Variants in CHADL observed in about 807,000 individuals in gnomAD.
CHADL encodes the protein chondroadherin like, also known as chondroadherin-like protein.
Under a neutral mutation model 52.1 loss-of-function variants are expected in CHADL, and 48 were observed. The observed-to-expected ratio is 0.92, with a 90% CI of 0.73 to 1.17. The LOEUF (loss-of-function observed/expected upper bound fraction) is 1.17, where lower values mean the gene tolerates loss of function less well. Among genes scored for constraint, CHADL ranks in the 50% most tolerant of loss-of-function variants. The pLI is 0.00. For missense variants in CHADL, 977 were observed against 1,035.1 expected (o/e 0.94, Z 0.77); for synonymous variants, 498 against 511.2 (o/e 0.97, Z 0.35).
In CHADL at chr22:41,238,838, G is replaced by A; in HGVS notation, c.234C>T (p.Pro78=). The A allele has an allele frequency of 6.5e-7, 1 of 1,546,916 alleles. No individual in the cohort carries two copies. The highest frequency in any genetic ancestry group is 8.7e-7 in the Non-Finnish European group (1 of 1,144,550). ...GAGGCACGCCCTGGAAGGCGGCTGC[G>A]GGGATCACCTTCAGCAAATTGCCCT... ...DLQGNLLKVI[P]AAAFQGVPHL... Residue 78 remains proline, a synonymous_variant, in exon 3 of 6, where the codon CCC becomes CCT. Transcript: ENST00000216241. This position sits in a 1 kb window ranked among gnomAD's most constrained non-coding sequence, Gnocchi z 4.9.
chr22:41,233,923 C>A (rs1569157924), intron 5 of CHADL, among the ~76,000 whole-genome samples: 1 of 152,220 alleles, frequency 6.6e-6, no homozygotes, highest in Non-Finnish European at 1.5e-5. Context: ...CGTGGCCTTA[C>A]AGGCAGTGGT....
intron 5 of CHADL, among the ~76,000 whole-genome samples, chr22:41,232,501 C>T (rs1393055167): frequency 6.6e-6 from 1 of 152,098 alleles, no homozygotes; most frequent in African/African-American, 2.4e-5. Flanking sequence ...AGACGTCCAT[C>T]CTGGTGCCTT....
chr22:41,237,670 C>A lies in CHADL; in HGVS notation c.1402G>T (p.Ala468Ser), dbSNP rs1342495282. The change falls in exon 3 of 6, where the codon GCC (alanine) becomes TCC (serine). Residue 468 changes from alanine to serine, a missense_variant. Coordinates refer to ENST00000216241, the MANE Select transcript of CHADL (RefSeq NM_138481.2). ...ATCAGGCGGCCCAGCCCGGCCAGGGCGCCCGCTTCCAGCTCCGCGATGCCG... is the reference window on the plus strand; with the variant it reads ...ATCAGGCGGCCCAGCCCGGCCAGGGAGCCCGCTTCCAGCTCCGCGATGCCG... Reference protein sequence around the residue: ...HCGIAELEAGALAGLGRLIYL... With the variant: ...HCGIAELEAGSLAGLGRLIYL... The A allele has an allele frequency of 1.9e-6, 3 of 1,542,558 alleles. No homozygotes were observed. Among genetic ancestry groups the A allele is most frequent in the East Asian group, 2.5e-5 (1 of 40,750 alleles).
rs1012172546 is a variant in CHADL at position 41,237,900 on chromosome 22, C to A, written c.1172G>T (p.Arg391Leu). 7.4e-7 allele frequency: 1 copy of A among 1,344,764 alleles called. No homozygotes were observed. 83.3% of individuals were successfully genotyped at this position (1,344,764 alleles called of 1,614,324 possible). A position where few individuals can be genotyped will look rare whatever the true frequency, so the allele number is the denominator to read the frequency against. The change falls in exon 3 of 6, where the codon CGG (arginine) becomes CTG (leucine). Residue 391 changes from arginine to leucine, a missense_variant. Arg to Leu is a moderately radical substitution (Grantham distance 102, BLOSUM62 -2). Transcript: ENST00000216241. The part of the protein sequence containing the change: ...RGPPRGPGEE[R>L]AVAPCPRACV... The stretch of plus-strand genomic sequence containing the variant: ...GGCGCGAGGGCAAGGCGCGACTGCC[C>A]GCTCCTCCCCGGGGCCGCGCGGAGG...
In CHADL at chr22:41,235,427, G is replaced by A. The variant is rs746391633; in HGVS notation, c.2064-84C>T. The A allele has an allele frequency of 2.7e-6, 3 of 1,128,846 alleles. No individual in the cohort carries two copies. In the East Asian group the frequency reaches 7.7e-5, roughly 29 times the overall value. The allele number at this position is 1,128,846 out of a possible 1,614,324, so 69.9% of individuals were successfully genotyped here. A position where few individuals can be genotyped will look rare whatever the true frequency, so the allele number is the denominator to read the frequency against. ...GCAGGTGGGCACTGGGTGTGGGGCA[G>A]GGTTGGTGCAGAAGGCAGCACAAGG... On this transcript the variant is annotated intron_variant, in intron 4 of 5. Coordinates refer to ENST00000216241, the MANE Select transcript of CHADL (RefSeq NM_138481.2).
chr22:41,238,372 G>A lies in CHADL; in HGVS notation c.700C>T (p.Arg234Cys), dbSNP rs774748198. The A allele has an allele frequency of 1.3e-5, 20 of 1,496,134 alleles. No individual in the cohort carries two copies. The South Asian group carries it at 2.4e-4, about 18-fold the overall frequency. 92.7% of individuals were successfully genotyped at this position (1,496,134 alleles called of 1,614,324 possible). ...PVLSQARGLA[R>C]LELGHNPLTY... is the part of the protein sequence containing the mutation. ...AGCGGGTTGTGGCCCAGCTCCAGAC[G>A]GGCCAGGCCGCGGGCCTGGGACAAG... The change falls in exon 3 of 6, where the codon CGT (arginine) becomes TGT (cysteine). Residue 234 changes from arginine to cysteine, a missense_variant. By Grantham distance (180) the Arg-to-Cys change is radical. Transcript: ENST00000216241. This position sits in a 1 kb window ranked among gnomAD's most constrained non-coding sequence, Gnocchi z 4.9.
At chr22:41,231,438 C>G (rs191768039) in intron 5 of CHADL, among the ~76,000 whole-genome samples, 12 of 151,536 alleles carry the variant, frequency 7.9e-5, no homozygotes, top group Non-Finnish European at 1.3e-4. Context: ...CACATGCTGT[C>G]ATTCTTTACG....
At chr22:41,235,384 C>T in intron 4 of CHADL, 41 bp from the exon 5 acceptor site, 1 of 1,518,404 alleles carries the variant, frequency 6.6e-7, no homozygotes, top group Non-Finnish European at 8.9e-7. Flanking sequence ...TGTGCTGATT[C>T]TGCTCCAGTG....
chr22:41,234,843 G>A (rs892284035), intron 5 of CHADL, among the ~76,000 whole-genome samples: 19 of 152,124 alleles, frequency 1.2e-4, no homozygotes, highest in African/African-American at 3.6e-4. Flanking sequence ...GTGAGCCAAC[G>A]CACCCAGCCA....
chr22:41,238,196 G>T lies in CHADL; in HGVS notation c.876C>A (p.Thr292=). The T allele has an allele frequency of 6.6e-7, 1 of 1,515,520 alleles. No individual in the cohort carries two copies. Among genetic ancestry groups the T allele is most frequent in the Non-Finnish European group, 8.8e-7 (1 of 1,139,254 alleles). 93.9% of individuals were successfully genotyped at this position (1,515,520 alleles called of 1,614,324 possible). The change falls in exon 3 of 6, where the codon ACC becomes ACA. Residue 292 remains threonine (T), a synonymous_variant. Transcript: ENST00000216241. This position sits in a 1 kb window ranked among gnomAD's most constrained non-coding sequence, Gnocchi z 4.9. ...TLDLRGNQLD[T]LPPLQGPGQL... ...GGCCCGGGCCCTGCAGCGGGGGCAG[G>T]GTGTCTAGCTGGTTCCCGCGGAGGT...
chr22:41,232,980 T>C (rs1483900694), intron 5 of CHADL, among the ~76,000 whole-genome samples: 2 of 152,136 alleles, frequency 1.3e-5, no homozygotes, highest in Admixed American at 6.5e-5. Flanking sequence ...AGGAGTTCCT[T>C]CCCGGCTCCC....
intron 5 of CHADL, among the ~76,000 whole-genome samples, chr22:41,233,782 A>ACTAATGGCC (rs1247214317): frequency 1.3e-5 from 2 of 152,128 alleles, no homozygotes; most frequent in Non-Finnish European, 2.9e-5. Context: ...ACAAACACCA[A>ACTAATGGCC]CTAATGGCCC....
chr22:41,236,377 C>A (rs2032739847), intron 4 of CHADL, 107 bp downstream of exon 4: 4 of 1,032,056 alleles, frequency 3.9e-6, no homozygotes, highest in Non-Finnish European at 2.8e-6. Context: ...CCCCTCCCCA[C>A]AAGCTGCTCG....
Position 41,236,549 on chromosome 22 carries a change from C to G in CHADL, c.1998G>C (p.Gln666His). The G allele has an allele frequency of 2.6e-6, 4 of 1,551,496 alleles. No individual in the cohort carries two copies. The African/African-American group carries it at 4.1e-5, about 16-fold the overall frequency. Residue 666 changes from glutamine (Q) to histidine (H), a missense_variant, in exon 4 of 6, where the codon CAG becomes CAC. Gln to His is a conservative substitution (Grantham distance 24). Coordinates refer to ENST00000216241, the MANE Select transcript of CHADL (RefSeq NM_138481.2). ...RALPALPSLS[Q>H]LELIDLSSNP... ...TGCTGCTGAGGTCGATGAGCTCCAG[C>G]TGGCTGAGACTGGGCAGGGCAGGCA...
chr22:41,232,673 T>C (rs1421070695), intron 5 of CHADL, among the ~76,000 whole-genome samples: 1 of 152,118 alleles, frequency 6.6e-6, no homozygotes, highest in Admixed American at 6.5e-5. Flanking sequence ...CTAGGTCAAA[T>C]GGCCTGAGAC....
chr22:41,232,025 G>A (rs8135139), intron 5 of CHADL, among the ~76,000 whole-genome samples: 3,757 of 152,238 alleles, frequency 0.025, 121 homozygotes, highest in Admixed American at 0.085. Flanking sequence ...CAGTTTAGTC[G>A]TTTGGCTGCT....
chr22:41,232,188 C>G (rs557245077), intron 5 of CHADL, among the ~76,000 whole-genome samples: 13 of 152,002 alleles, frequency 8.6e-5, no homozygotes, highest in Admixed American at 2.6e-4. Flanking sequence ...AAAAATTAGC[C>G]GGGCGTGGTG....
chr22:41,234,174 T>C lies in CHADL; in HGVS notation c.2262+971A>G, dbSNP rs140678102. On this transcript the variant is annotated intron_variant, in intron 5 of 5. Coordinates refer to ENST00000216241, the MANE Select transcript of CHADL (RefSeq NM_138481.2). ...CCCCTTAGGTCAGGCTGGGACATGG[T>C]TGAGTCAACAGTGATCCAGCAAATA... Among the ~76,000 whole-genome samples the C allele has an allele frequency of 3.5e-3, 534 of 152,152 alleles. 3 individuals carry two copies. The highest frequency in any genetic ancestry group is 0.012 in the African/African-American group (492 of 41,496).
intron 5 of CHADL, among the ~76,000 whole-genome samples, chr22:41,233,102 A>T (rs977486547): frequency 6.6e-6 from 1 of 152,066 alleles, no homozygotes; most frequent in Non-Finnish European, 1.5e-5. Flanking sequence ...TTCCTTACAG[A>T]AGTAATGAAG....
Sources: allele counts gnomAD v4.1 joint callset (sites outside exome capture counted in the v4.1 genomes callset), GRCh38; gene constraint gnomAD v4.1.1; non-coding constraint Gnocchi (gnomAD v3.1); transcripts MANE v1.5; gene names NCBI Gene and HGNC (gene_info 2026-07-23, HGNC 2026-07-21).